The following IGHMBP2 variants were observed in gnomAD, a reference collection of about 807,000 sequenced individuals.
IGHMBP2 encodes immunoglobulin mu DNA binding protein 2.
In IGHMBP2, 81 loss-of-function variants were observed where a neutral mutation model predicts 96.0. The observed-to-expected ratio is 0.84, with a 90% confidence interval of 0.71 to 1.01. The LOEUF (loss-of-function observed/expected upper bound fraction) is 1.01. Ranked by LOEUF, IGHMBP2 falls within the 50% of genes least tolerant of loss-of-function variation. The pLI is 0.00. For synonymous variants in IGHMBP2, 557 were observed against 548.9 expected (o/e 1.01, Z -0.21); for missense variants, 1,227 against 1,306.3 (o/e 0.94, Z 0.94).
In IGHMBP2 at chr11:68,936,253, T is replaced by G. The variant is rs758318773; in HGVS notation, c.1773T>G (p.Leu591=). 9.9e-6 allele frequency: 16 copies of G among 1,614,060 alleles called. No homozygotes were observed. The highest frequency in any genetic ancestry group is 1.4e-5 in the Non-Finnish European group (16 of 1,180,044). ...RSNRKGEVGF[L]AEDRRINVAV... Reference sequence around the variant, plus strand: ...CTTTTGTAGGTGAAGTTGGTTTTCTTGCTGAGGACCGGAGGATCAACGTGG... The same window carrying G: ...CTTTTGTAGGTGAAGTTGGTTTTCTGGCTGAGGACCGGAGGATCAACGTGG... The change falls in exon 13 of 15, where the codon CTT becomes CTG. Residue 591 remains leucine (L), a synonymous_variant. Transcript: ENST00000255078.
chr11:68,906,054 C>G lies in IGHMBP2; in HGVS notation c.87-15C>G. On this transcript the variant is annotated splice_polypyrimidine_tract_variant and intron_variant, in intron 1 of 14. Coordinates refer to ENST00000255078, the MANE Select transcript of IGHMBP2 (RefSeq NM_002180.3). ...TAGTAAAAATCCTGAAGCATCAATACCGGGTGTCTTCCAGGTCCTGGCAGG... is the reference window on the plus strand; with the variant it reads ...TAGTAAAAATCCTGAAGCATCAATAGCGGGTGTCTTCCAGGTCCTGGCAGG... 6.2e-7 allele frequency: 1 copy of G among 1,613,308 alleles called. No individual in the cohort carries two copies.
At chr11:68,905,631 T>C (rs1332438582) in intron 1 of IGHMBP2, among the ~76,000 whole-genome samples, 3 of 152,310 alleles carry the variant, frequency 2.0e-5, no homozygotes, top group Admixed American at 2.0e-4. Flanking sequence ...CTTTGCATTT[T>C]AGGAGGATTT....
In IGHMBP2 at chr11:68,935,360, A is replaced by C; in HGVS notation, c.1694A>C (p.Asp565Ala). ...RHPELEIKSVDGFQGREKEAV... is the reference protein window; with the variant it reads ...RHPELEIKSVAGFQGREKEAV... The stretch of plus-strand genomic sequence containing the variant: ...CCTGAGCTTGAAATCAAGTCTGTCG[A>C]TGGCTTCCAAGGCCGAGAGAAGGAG... The change falls in exon 12 of 15, where the codon GAT (aspartate) becomes GCT (alanine). Residue 565 changes from aspartate (D) to alanine (A), a missense_variant. Asp to Ala is a moderately radical substitution (Grantham distance 126, BLOSUM62 -2). Transcript: ENST00000255078. 6.2e-7 allele frequency: 1 copy of C among 1,614,182 alleles called. No individual in the cohort carries two copies. The highest frequency in any genetic ancestry group is 8.5e-7 in the Non-Finnish European group (1 of 1,180,042).
intron 7 of IGHMBP2, among the ~76,000 whole-genome samples, chr11:68,918,774 A>G (rs544778251): frequency 7.9e-4 from 120 of 152,032 alleles, no homozygotes; most frequent in African/African-American, 2.8e-3. Context: ...CTAAAGTGCT[A>G]GGATTACAGG....
chr11:68,904,174 C>G, intron 1 of IGHMBP2, 136 bp downstream of exon 1: 1 of 755,286 alleles, frequency 1.3e-6, no homozygotes. Context: ...AGGGATCGTC[C>G]GTCCCCTGCT....
At chr11:68,928,203 G>C (rs1859144525) in intron 7 of IGHMBP2, among the ~76,000 whole-genome samples, 1 of 152,192 alleles carries the variant, frequency 6.6e-6, no homozygotes, top group African/African-American at 2.4e-5. Flanking sequence ...TCAGCTTGTG[G>C]CCTTTGTGGC....
Position 68,906,225 on chromosome 11 carries a change from C to T in IGHMBP2, c.243C>T (p.Asn81=), listed in dbSNP as rs1594415602. The T allele has an allele frequency of 6.2e-7, 1 of 1,613,972 alleles. No homozygotes were observed. Among genetic ancestry groups the T allele is most frequent in the Non-Finnish European group, 8.5e-7 (1 of 1,180,026 alleles). Residue 81 remains asparagine (N), a synonymous_variant, in exon 2 of 15, where the codon AAC becomes AAT. Transcript: ENST00000255078. ...GGTCCGCGGCAGCTCTTCCCAGTAA[C>T]AGCTTTACTTCTGGTGTGTGCGTAT... The part of the protein sequence containing the change: ...RYGSAAALPS[N]SFTSGDIVGL...
At chr11:68,918,572 G>A (rs1027376057) in intron 7 of IGHMBP2, among the ~76,000 whole-genome samples, 5 of 152,218 alleles carry the variant, frequency 3.3e-5, no homozygotes, top group Middle Eastern at 6.8e-3. Context: ...AATCCTGGAG[G>A]TGGAGGTTGC....
chr11:68,923,744 C>G lies in IGHMBP2; in HGVS notation c.1061-5439C>G, dbSNP rs185339896. On this transcript the variant is annotated intron_variant, in intron 7 of 14. Transcript: ENST00000255078. ...CCCGGCCTTGTGTGAGCACTGGGCA[C>G]TTTTCTCTCATTGTTTTGGATGGTA... 8.5e-5 allele frequency among the ~76,000 whole-genome samples: 13 copies of G among 152,092 alleles called. No homozygotes were observed. In the East Asian group the frequency reaches 2.5e-3, roughly 29 times the overall value.
At chr11:68,917,295 T>C (rs1008771336) in intron 6 of IGHMBP2, among the ~76,000 whole-genome samples, 5 of 152,108 alleles carry the variant, frequency 3.3e-5, no homozygotes, top group African/African-American at 1.2e-4. Context: ...CTTTTTGAGA[T>C]ATTAAAGTAA....
chr11:68,935,672 T>A (rs1200251228), intron 12 of IGHMBP2, among the ~76,000 whole-genome samples: 6 of 152,244 alleles, frequency 3.9e-5, no homozygotes, highest in Admixed American at 3.9e-4. Flanking sequence ...GGGCTGGGAA[T>A]GATCAGGACA....
chr11:68,912,149 G>A (rs980838432), intron 5 of IGHMBP2, among the ~76,000 whole-genome samples: 1 of 152,094 alleles, frequency 6.6e-6, no homozygotes, highest in Non-Finnish European at 1.5e-5. Context: ...TTTGGAGACG[G>A]AGCCTCACTC....
chr11:68,928,259 G>T (rs1002600181), intron 7 of IGHMBP2, among the ~76,000 whole-genome samples: 4 of 152,174 alleles, frequency 2.6e-5, no homozygotes, highest in African/African-American at 9.7e-5. Flanking sequence ...TGAGTTCCTG[G>T]AAGTGCTTCT....
At chr11:68,931,721 A>C (rs998346478) in intron 8 of IGHMBP2, among the ~76,000 whole-genome samples, 5 of 152,168 alleles carry the variant, frequency 3.3e-5, no homozygotes, top group African/African-American at 1.2e-4. Context: ...CAGGGAGGAC[A>C]GGCGTGGGAG....
In IGHMBP2 at chr11:68,936,551, A is replaced by G; in HGVS notation, c.2071A>G (p.Arg691Gly). ...AGGCCAGGAGGCTGCAGCACCTGCC[A>G]GACAGGGCCGGAAGAAGCCGGCTGG... ...EGGQEAAAPA[R>G]QGRKKPAGKS... The change falls in exon 13 of 15, where the codon AGA (arginine) becomes GGA (glycine). Residue 691 changes from arginine (R) to glycine (G), a missense_variant. Arg to Gly is a moderately radical substitution (Grantham distance 125, BLOSUM62 -2). Around this residue, in one of 3 missense-constraint regions of IGHMBP2, gnomAD observed 703 missense variants for 770.3 expected, o/e 0.91. Transcript: ENST00000255078. 6.2e-7 allele frequency: 1 copy of G among 1,612,580 alleles called. No individual in the cohort carries two copies. The highest frequency in any genetic ancestry group is 2.2e-5 in the East Asian group (1 of 44,872).
chr11:68,917,915 C>G (rs1224800304), intron 7 of IGHMBP2, 32 bp downstream of exon 7: 1 of 1,610,480 alleles, frequency 6.2e-7, no homozygotes. Flanking sequence ...GCCTGTGTGG[C>G]CTCGAAGAAG....
intron 7 of IGHMBP2, among the ~76,000 whole-genome samples, chr11:68,924,791 G>A (rs528996640): frequency 9.9e-5 from 15 of 152,276 alleles, no homozygotes; most frequent in Admixed American, 7.8e-4. Flanking sequence ...CACATTTGAG[G>A]GGAAGGGATT....
Position 68,940,196 on chromosome 11 carries a change from C to T in IGHMBP2, c.*465C>T, listed in dbSNP as rs770309885. 22 of 174,648 alleles carry T rather than the reference C, an allele frequency of 1.3e-4. No homozygotes were observed. Among genetic ancestry groups the T allele is most frequent in the South Asian group, 2.7e-4 (2 of 7,324 alleles). 10.8% of individuals were successfully genotyped at this position (174,648 alleles called of 1,614,324 possible). ...AGCAGGGAGTGGCGTTTGGCTTGCA[C>T]GTTCCCATGTGGCCAGATGCTGGGG... On this transcript the variant is annotated 3_prime_UTR_variant, in exon 15 of 15. Transcript: ENST00000255078.
Position 68,939,514 on chromosome 11 carries a change from G to A in IGHMBP2, c.2785-20G>A. On this transcript the variant is annotated intron_variant, in intron 14 of 14. Coordinates refer to ENST00000255078, the MANE Select transcript of IGHMBP2 (RefSeq NM_002180.3). ...TCCTTGCCCCTGTGAGCCCAGCAGTGATTCTTGTGTCCTCCCCAGATCCAT... is the reference window on the plus strand; with the variant it reads ...TCCTTGCCCCTGTGAGCCCAGCAGTAATTCTTGTGTCCTCCCCAGATCCAT... 2 of 1,611,296 alleles carry A rather than the reference G, an allele frequency of 1.2e-6. No homozygotes were observed. Among genetic ancestry groups the A allele is most frequent in the Non-Finnish European group, 1.7e-6 (2 of 1,179,868 alleles).
Sources: allele counts gnomAD v4.1 joint callset (sites outside exome capture counted in the v4.1 genomes callset), GRCh38; gene constraint gnomAD v4.1.1; regional missense constraint gnomAD v4.1.1; transcripts MANE v1.5; gene names NCBI Gene and HGNC (gene_info 2026-07-23, HGNC 2026-07-21).